Variants in CFAP299 observed in about 807,000 individuals in gnomAD.
CFAP299 encodes the protein cilia- and flagella-associated protein 299.
Under a neutral mutation model 27.0 loss-of-function variants are expected in CFAP299, and 21 were observed. The ratio of observed to expected loss-of-function variants is 0.78; its 90% CI spans 0.55 to 1.12. The LOEUF (loss-of-function observed/expected upper bound fraction) is 1.12. Ranked by LOEUF, CFAP299 falls within the 50% of genes most tolerant of loss-of-function variation. CFAP299 has a pLI of 0.00. For missense variants in CFAP299, 310 were observed against 276.6 expected (o/e 1.12, Z -0.86); for synonymous variants, 104 against 98.1 (o/e 1.06, Z -0.36).
chr4:80,568,993 A>G (rs1735448318), intron 2 of CFAP299, among the ~76,000 whole-genome samples: 1 of 152,100 alleles, frequency 6.6e-6, no homozygotes, highest in Non-Finnish European at 1.5e-5. Context: ...ATTGGTGGCC[A>G]TGTTCTCTAC....
chr4:80,901,830 A>G (rs1332799132), intron 4 of CFAP299, among the ~76,000 whole-genome samples: 1 of 152,082 alleles, frequency 6.6e-6, no homozygotes, highest in Non-Finnish European at 1.5e-5. Flanking sequence ...AGAACTCTAA[A>G]TTAAATCTCT....
At chr4:80,631,830 A>G (rs909646002) in intron 3 of CFAP299, among the ~76,000 whole-genome samples, 4 of 133,944 alleles carry the variant, frequency 3.0e-5, no homozygotes, top group Non-Finnish European at 4.8e-5. Context: ...TTCATTTTAT[A>G]GGTTTAGGCT....
intron 2 of CFAP299, among the ~76,000 whole-genome samples, chr4:80,490,723 A>G (rs1731074729): frequency 2.6e-5 from 4 of 152,192 alleles, no homozygotes; most frequent in South Asian, 2.1e-4. Context: ...CAAAACACAT[A>G]TATTTGGCTT....
chr4:80,343,586 G>A (rs374544756), intron 1 of CFAP299, among the ~76,000 whole-genome samples: 8 of 151,988 alleles, frequency 5.3e-5, no homozygotes, highest in African/African-American at 1.9e-4. Flanking sequence ...TCAGGAGATC[G>A]AGACCATCCT....
intron 2 of CFAP299, among the ~76,000 whole-genome samples, chr4:80,363,860 G>A (rs979383798): frequency 7.9e-5 from 12 of 151,964 alleles, no homozygotes; most frequent in Admixed American, 2.0e-4. Context: ...AGGCAGAGGC[G>A]GGCAGATCAA....
At chr4:80,553,713 A>G (rs1205467179) in intron 2 of CFAP299, among the ~76,000 whole-genome samples, 1 of 152,044 alleles carries the variant, frequency 6.6e-6, no homozygotes, top group Admixed American at 6.6e-5. Context: ...GTAAGATGGT[A>G]TCTTTTTTTG....
chr4:80,799,643 T>G (rs1197293390), intron 3 of CFAP299, among the ~76,000 whole-genome samples: 10 of 22,778 alleles, frequency 4.4e-4, no homozygotes, highest in African/African-American at 2.1e-3. Flanking sequence ...ATATATAAAA[T>G]ATATATTTTA....
intron 2 of CFAP299, among the ~76,000 whole-genome samples, chr4:80,462,671 C>T (rs1729496803): frequency 6.6e-6 from 1 of 152,064 alleles, no homozygotes; most frequent in South Asian, 2.1e-4. Context: ...CTTGCTTTTC[C>T]AATTTACAAC....
At chr4:80,689,848 G>A (rs1430540119) in intron 3 of CFAP299, among the ~76,000 whole-genome samples, 2 of 152,056 alleles carry the variant, frequency 1.3e-5, no homozygotes, top group East Asian at 3.9e-4. Flanking sequence ...ATGGAGGAAG[G>A]TCGACCAAGC....
At chr4:80,379,058 C>A (rs1724565314) in intron 2 of CFAP299, among the ~76,000 whole-genome samples, 1 of 151,962 alleles carries the variant, frequency 6.6e-6, no homozygotes, top group Admixed American at 6.6e-5. Flanking sequence ...ACCAGTGAAG[C>A]CTTCTACCAC....
intron 4 of CFAP299, among the ~76,000 whole-genome samples, chr4:80,930,792 C>T (rs948839065): frequency 6.6e-6 from 1 of 152,108 alleles, no homozygotes; most frequent in Admixed American, 6.6e-5. Context: ...CAGGCAATCC[C>T]CATACCATCT....
intron 2 of CFAP299, among the ~76,000 whole-genome samples, chr4:80,582,143 C>A (rs2109870795): frequency 6.6e-6 from 1 of 151,958 alleles, no homozygotes; most frequent in South Asian, 2.1e-4. Context: ...ACCCCACAAA[C>A]TGATTAATAC....
At chr4:80,414,466 T>G (rs891716763) in intron 2 of CFAP299, among the ~76,000 whole-genome samples, 1 of 152,224 alleles carries the variant, frequency 6.6e-6, no homozygotes, top group Non-Finnish European at 1.5e-5. Context: ...TTAAAACTTT[T>G]GTTCACTTAG....
At chr4:80,412,197 T>A (rs1726753723) in intron 2 of CFAP299, among the ~76,000 whole-genome samples, 1 of 152,180 alleles carries the variant, frequency 6.6e-6, no homozygotes, top group Non-Finnish European at 1.5e-5. Context: ...CTATCCAAAC[T>A]TTCACGGTCA....
intron 2 of CFAP299, among the ~76,000 whole-genome samples, chr4:80,379,473 A>C (rs1724586549): frequency 6.6e-6 from 1 of 151,890 alleles, no homozygotes; most frequent in Non-Finnish European, 1.5e-5. Context: ...TAGTGCTTTA[A>C]TGTAGAATAT....
At chr4:80,513,089 C>T (rs1732399283) in intron 2 of CFAP299, among the ~76,000 whole-genome samples, 1 of 152,104 alleles carries the variant, frequency 6.6e-6, no homozygotes, top group African/African-American at 2.4e-5. Flanking sequence ...CTGATATTAG[C>T]AAGACCATAT....
chr4:80,881,748 C>A (rs1263603137), intron 4 of CFAP299, among the ~76,000 whole-genome samples: 1 of 152,150 alleles, frequency 6.6e-6, no homozygotes, highest in Non-Finnish European at 1.5e-5. Flanking sequence ...TTTTTAGTAA[C>A]TAACCCAAGA....
intron 2 of CFAP299, among the ~76,000 whole-genome samples, chr4:80,366,676 GAGTTACT>G (rs2110003683): frequency 6.6e-6 from 1 of 152,256 alleles, no homozygotes; most frequent in African/African-American, 2.4e-5. Context: ...ATTCAACGTA[GAGTTACT>G]ATATGACCCA....
At chr4:80,387,395 G>T in intron 2 of CFAP299, 2 of 1,092,860 alleles carry the variant, frequency 1.8e-6, no homozygotes, top group Non-Finnish European at 2.8e-6. Context: ...CTGGAAATAG[G>T]TGCTGAACTT....
Sources: gnomAD v4.1 joint callset for allele counts (sites outside exome capture counted in the v4.1 genomes callset) on GRCh38, gnomAD v4.1.1 for gene constraint, MANE v1.5 for transcripts, NCBI Gene and HGNC (gene_info 2026-07-23, HGNC 2026-07-21) for gene names.